Variants in TAPBP observed in about 807,000 individuals in gnomAD.
TAPBP encodes the protein TAP binding protein, also known as tapasin.
Under a neutral mutation model 45.7 loss-of-function variants are expected in TAPBP, and 38 were observed. That is an observed-to-expected ratio of 0.83 (90% CI 0.64 to 1.09). The LOEUF is 1.09. Ranked by LOEUF, TAPBP falls within the 50% of genes least tolerant of loss-of-function variation. The pLI is 0.00. For synonymous variants in TAPBP, 226 were observed against 254.8 expected (o/e 0.89, Z 1.08); for missense variants, 513 against 587.3 (o/e 0.87, Z 1.31).
Position 33,305,292 on chromosome 6 carries a change from A to G in TAPBP, c.565T>C (p.Ser189Pro), listed in dbSNP as rs1258276222. Residue 189 changes from serine (S) to proline (P), a missense_variant, in exon 4 of 8, where the codon TCC becomes CCC. Physicochemically the swap from Ser to Pro is moderately conservative, Grantham distance 74 (BLOSUM62 -1). Transcript: ENST00000434618. The surrounding 1 kb of genome is among the most constrained non-coding windows in gnomAD (Gnocchi z 4.4). ...DLSFAYMPPT[S>P]EAASSLAPGP... ...GGAGCCAGAGATGAGGCGGCCTCGG[A>G]GGTGGGGGGCATGTAGGCAAAGCTC... The G allele has an allele frequency of 6.3e-7, 1 of 1,580,814 alleles. No homozygotes were observed. Among genetic ancestry groups the G allele is most frequent in the Non-Finnish European group, 8.6e-7 (1 of 1,163,290 alleles).
Position 33,300,452 on chromosome 6 carries a change from G to C in TAPBP, c.*1308C>G, listed in dbSNP as rs183461458. On this transcript the variant is annotated 3_prime_UTR_variant, in exon 8 of 8. Coordinates refer to ENST00000434618, the MANE Select transcript of TAPBP (RefSeq NM_003190.5). ...CGAGGCGGGCAGATCACAAGGTCAG[G>C]AGATCGAGACCATCCTGGCTAACAC... 3 of 151,812 alleles carry C rather than the reference G, an allele frequency of 2.0e-5. No individual in the cohort carries two copies. The highest frequency in any genetic ancestry group is 2.1e-4 in the South Asian group (1 of 4,836). The allele number at this position is 151,812 out of a possible 1,614,324, so 9.4% of individuals were successfully genotyped here.
At position 33,304,707 on chromosome 6, in the gene TAPBP, T is replaced by G. The variant is rs1768842135; in HGVS notation, c.869-69A>C. ...CTGTCCTCCCTAAGAGACCCTCAGT[T>G]TGCCTGCTGGCTTCCTCAGAACTAA... is the stretch of plus-strand genomic sequence containing the variant. On this transcript the variant is annotated intron_variant, in intron 4 of 7. Transcript: ENST00000434618. The G allele has an allele frequency of 8.1e-6, 12 of 1,478,018 alleles. No individual in the cohort carries two copies. In the South Asian group the frequency reaches 1.6e-4, roughly 20 times the overall value. 91.6% of individuals were successfully genotyped at this position (1,478,018 alleles called of 1,614,324 possible).
intron 7 of TAPBP, 55 bp from the exon 8 acceptor site, chr6:33,301,826 T>C: frequency 1.9e-6 from 3 of 1,613,710 alleles, no homozygotes; most frequent in Non-Finnish European, 1.7e-6. Context: ...AGTTGAGGTG[T>C]ACATGGTCAG....
chr6:33,303,786 G>A (rs770421374), intron 7 of TAPBP, 169 bp downstream of exon 7: 1 of 1,556,444 alleles, frequency 6.4e-7, no homozygotes, highest in African/African-American at 1.4e-5. Context: ...TAAGTAGCAT[G>A]CTCAAAGAGT....
In TAPBP at chr6:33,304,216, A is replaced by G. The variant is rs996142634; in HGVS notation, c.1212T>C (p.Gly404=). The part of the protein sequence containing the change: ...RSAEVTLEVA[G]LSGPSLEDSV... ...TGTCCTCAAGGGAGGGCCCTGAAAG[A>G]CCTGGCAGGCAGAAGGGGTGAGAGT... is the stretch of plus-strand genomic sequence containing the variant. Residue 404 remains glycine, a splice_region_variant and synonymous_variant, in exon 6 of 8, where the codon GGT becomes GGC. Coordinates refer to ENST00000434618, the MANE Select transcript of TAPBP (RefSeq NM_003190.5). 1.9e-6 allele frequency: 3 copies of G among 1,613,314 alleles called. No individual in the cohort carries two copies. Among genetic ancestry groups the G allele is most frequent in the Non-Finnish European group, 2.5e-6 (3 of 1,179,644 alleles).
chr6:33,313,704 GAGAT>G lies in TAPBP; in HGVS notation c.194_197del (p.Tyr65SerfsTer28). On this transcript the variant is annotated frameshift_variant, in exon 2 of 8. Transcript: ENST00000434618. LOFTEE classifies it high-confidence loss of function. The surrounding 1 kb of genome is among the most constrained non-coding windows in gnomAD (Gnocchi z 7.2). ...TCCCTAGAGACTCACCGTGTACACT[GAGAT>G]AGAGCTCAGGGTCGAGGTCCGGCCG... 6.2e-7 allele frequency: 1 copy of G among 1,612,942 alleles called. No homozygotes were observed. Among genetic ancestry groups the G allele is most frequent in the East Asian group, 2.2e-5 (1 of 44,888 alleles).
chr6:33,310,196 T>C (rs1205357283), intron 3 of TAPBP, among the ~76,000 whole-genome samples: 1 of 151,764 alleles, frequency 6.6e-6, no homozygotes, highest in Non-Finnish European at 1.5e-5. Flanking sequence ...TTAAACACTA[T>C]ACACACAAAG....
Position 33,313,284 on chromosome 6 carries a change from G to C in TAPBP, c.402C>G (p.Ser134Arg), listed in dbSNP as rs1450680456. The C allele has an allele frequency of 6.2e-7, 1 of 1,613,884 alleles. No individual in the cohort carries two copies. The highest frequency in any genetic ancestry group is 1.7e-5 in the Admixed American group (1 of 60,030). Residue 134 changes from serine to arginine, a missense_variant, in exon 3 of 8, where the codon AGC (serine) becomes AGG (arginine). Coordinates refer to ENST00000434618, the MANE Select transcript of TAPBP (RefSeq NM_003190.5). The surrounding 1 kb of genome is among the most constrained non-coding windows in gnomAD (Gnocchi z 7.2). The part of the protein sequence containing the change: ...LMVSISSPVL[S>R]LSSLLRPQPE... ...GCTGTGGTCGCAAGAGGCTGGAGAG[G>C]CTGAGGACTGGGCTGGATATGCTGA... is the stretch of plus-strand genomic sequence containing the variant.
chr6:33,310,791 C>A (rs1428925716), intron 3 of TAPBP, among the ~76,000 whole-genome samples: 1 of 148,662 alleles, frequency 6.7e-6, no homozygotes, highest in African/African-American at 2.5e-5. Context: ...TGCTCTCCAG[C>A]CTGCACTGCA....
At chr6:33,312,980 T>G in intron 3 of TAPBP, 3 of 416,796 alleles carry the variant, frequency 7.2e-6, no homozygotes, top group Admixed American at 4.1e-5. Flanking sequence ...CCGGCCCTGC[T>G]TTCCCCCTAC....
Position 33,313,113 on chromosome 6 carries a change from C to A in TAPBP, c.469+104G>T. 1.1e-5 allele frequency: 15 copies of A among 1,382,534 alleles called. No individual in the cohort carries two copies. The South Asian group carries it at 2.0e-4, about 19-fold the overall frequency. The allele number at this position is 1,382,534 out of a possible 1,614,324, so 85.6% of individuals were successfully genotyped here. A position where few individuals can be genotyped will look rare whatever the true frequency, so the allele number is the denominator to read the frequency against. ...CTCTTAACAAAAAAAGGAAACTGAA[C>A]CCCGATTGGCGAAATGTCTTGCTCA... On this transcript the variant is annotated intron_variant, in intron 3 of 7. Coordinates refer to ENST00000434618, the MANE Select transcript of TAPBP (RefSeq NM_003190.5). This position sits in a 1 kb window ranked among gnomAD's most constrained non-coding sequence, Gnocchi z 7.2.
At chr6:33,308,409 G>C (rs1444204116) in intron 3 of TAPBP, among the ~76,000 whole-genome samples, 1 of 152,080 alleles carries the variant, frequency 6.6e-6, no homozygotes, top group East Asian at 1.9e-4. Context: ...ACTTCTGATG[G>C]TTCGCTCTCA....
At chr6:33,303,805 T>G in intron 7 of TAPBP, 150 bp downstream of exon 7, 3 of 1,569,830 alleles carry the variant, frequency 1.9e-6, no homozygotes, top group Non-Finnish European at 2.6e-6. Flanking sequence ...GTCCTACAGT[T>G]AGGATATAGT....
chr6:33,309,433 G>T lies in TAPBP; in HGVS notation c.469+3784C>A, dbSNP rs1769187460. Among the ~76,000 whole-genome samples the T allele has an allele frequency of 3.3e-5, 5 of 151,626 alleles. No homozygotes were observed. The South Asian group carries it at 8.3e-4, about 25-fold the overall frequency. On this transcript the variant is annotated intron_variant, in intron 3 of 7. Coordinates refer to ENST00000434618, the MANE Select transcript of TAPBP (RefSeq NM_003190.5). ...AATAAACAAAACCTGGCTGGGCAGG[G>T]TGGCTCAGACTTGTAATCCCAGTAC...
chr6:33,310,432 G>A (rs1023856133), intron 3 of TAPBP, among the ~76,000 whole-genome samples: 1 of 145,034 alleles, frequency 6.9e-6, no homozygotes, highest in African/African-American at 2.6e-5. Context: ...CTTGAACTCA[G>A]GAGGCAGAAG....
chr6:33,303,676 G>T, intron 7 of TAPBP: 1 of 1,425,498 alleles, frequency 7.0e-7, no homozygotes. Flanking sequence ...GTGAGTACTA[G>T]AGTATTTAAA....
intron 3 of TAPBP, among the ~76,000 whole-genome samples, chr6:33,311,417 T>C (rs1023233595): frequency 2.0e-5 from 3 of 151,990 alleles, no homozygotes; most frequent in Non-Finnish European, 4.4e-5. Context: ...TCACCTGAAG[T>C]TGGGAGTTCG....
chr6:33,299,926 G>A lies in TAPBP; in HGVS notation c.*1834C>T, dbSNP rs934139082. ...TGTCCTCGAGGAGCCCATGATCCGC[G>A]GGGAGACAGGCATTTAACGACGACT... is the stretch of plus-strand genomic sequence containing the variant. On this transcript the variant is annotated 3_prime_UTR_variant, in exon 8 of 8. Coordinates refer to ENST00000434618, the MANE Select transcript of TAPBP (RefSeq NM_003190.5). This position sits in a 1 kb window ranked among gnomAD's most constrained non-coding sequence, Gnocchi z 5.0. 1 of 153,418 alleles carries A rather than the reference G, an allele frequency of 6.5e-6. No individual in the cohort carries two copies. Among genetic ancestry groups the A allele is most frequent in the African/African-American group, 2.4e-5 (1 of 41,562 alleles). 9.5% of individuals were successfully genotyped at this position (153,418 alleles called of 1,614,324 possible). A position where few individuals can be genotyped will look rare whatever the true frequency, so the allele number is the denominator to read the frequency against.
intron 3 of TAPBP, among the ~76,000 whole-genome samples, chr6:33,311,547 G>C (rs1376253947): frequency 6.6e-6 from 1 of 152,072 alleles, no homozygotes; most frequent in Non-Finnish European, 1.5e-5. Flanking sequence ...AGAATTGCTT[G>C]AACCAGGGAG....
Sources: gnomAD v4.1 joint callset for allele counts (sites outside exome capture counted in the v4.1 genomes callset) on GRCh38, gnomAD v4.1.1 for gene constraint, Gnocchi (gnomAD v3.1) non-coding constraint, MANE v1.5 for transcripts, NCBI Gene and HGNC (gene_info 2026-07-23, HGNC 2026-07-21) for gene names.